The following PALM variants were observed in gnomAD, a reference collection of about 807,000 sequenced individuals.
PALM encodes the protein paralemmin-1.
In PALM, 18 loss-of-function variants were observed where a neutral mutation model predicts 30.7. The ratio of observed to expected loss-of-function variants is 0.59; its 90% CI spans 0.41 to 0.87. The LOEUF (loss-of-function observed/expected upper bound fraction) is 0.87, where lower values mean the gene tolerates loss of function less well. Ranked by LOEUF, PALM falls within the 40% of genes least tolerant of loss-of-function variation. PALM has a pLI of 0.00. For synonymous variants in PALM, 286 were observed against 242.8 expected (o/e 1.18, Z -1.66); for missense variants, 529 against 555.4 (o/e 0.95, Z 0.48).
intron 4 of PALM, chr19:727,956 C>G: frequency 2.4e-6 from 1 of 423,750 alleles, no homozygotes; most frequent in Non-Finnish European, 4.2e-6. Flanking sequence ...TCCCTTCCCA[C>G]CGCCCTCGTT....
chr19:740,294 C>T (rs1051370554), intron 7 of PALM, 58 bp from the exon 8 acceptor site: 24 of 1,494,550 alleles, frequency 1.6e-5, no homozygotes, highest in African/African-American at 1.3e-4. Flanking sequence ...GGCCGCAGCC[C>T]GGCGGGGGGG....
chr19:734,306 T>TC (rs757150355), intron 6 of PALM, 112 bp downstream of exon 6: 3 of 1,024,728 alleles, frequency 2.9e-6, no homozygotes, highest in Non-Finnish European at 4.4e-6. Flanking sequence ...ACGCCTGTGA[T>TC]CCCAGCACTT....
rs968763376 is a variant in PALM at position 736,038 on chromosome 19, G to A, written c.462G>A (p.Thr154=). 6.2e-6 allele frequency: 10 copies of A among 1,609,632 alleles called. No individual in the cohort carries two copies. The highest frequency in any genetic ancestry group is 1.6e-4 in the Middle Eastern group (1 of 6,070). ...GTGCAGACAAGCGAGTCTCCAACAC[G>A]CCCCTGAGGACGGTTGACGGCTCCC... ...GTPKDKRVSN[T]PLRTVDGSPM... Residue 154 remains threonine (T), a synonymous_variant, in exon 7 of 9, where the codon ACG becomes ACA. Coordinates refer to ENST00000338448, the MANE Select transcript of PALM (RefSeq NM_002579.3).
rs763250940 is a variant in PALM, at chr19:710,651, GCC to G, written c.5+1509_5+1510del. ...TACTGAGGCCCAGAGAGGAGCTGCT[GCC>G]CCCCCCCCACCCCCCCTCCATCACA... On this transcript the variant is annotated intron_variant, in intron 1 of 8. Coordinates refer to ENST00000338448, the MANE Select transcript of PALM (RefSeq NM_002579.3). Among the ~76,000 whole-genome samples, 949 of 114,210 alleles carry G rather than the reference GCC, an allele frequency of 8.3e-3. 4 individuals are homozygous for G. Among genetic ancestry groups the G allele is most frequent in the Non-Finnish European group, 0.014 (769 of 55,698 alleles). 74.9% of individuals were successfully genotyped at this position (114,210 alleles called of 152,430 possible). A position where few individuals can be genotyped will look rare whatever the true frequency, so the allele number is the denominator to read the frequency against.
intron 7 of PALM, among the ~76,000 whole-genome samples, chr19:738,297 G>A (rs180812695): frequency 6.6e-6 from 1 of 152,028 alleles, no homozygotes; most frequent in Non-Finnish European, 1.5e-5. Flanking sequence ...GAGGCCGAGG[G>A]GGGCAGATCA....
At chr19:716,406 T>C (rs2032258549) in intron 1 of PALM, among the ~76,000 whole-genome samples, 2 of 140,952 alleles carry the variant, frequency 1.4e-5, no homozygotes, top group South Asian at 4.5e-4. Context: ...CGAGACTCTT[T>C]CTCTCAAAAA....
At chr19:745,434 C>T (rs1247926034) in intron 8 of PALM, among the ~76,000 whole-genome samples, 5 of 152,136 alleles carry the variant, frequency 3.3e-5, no homozygotes, top group African/African-American at 9.7e-5. Flanking sequence ...TGGCTCACGC[C>T]TGTCATCCCA....
chr19:714,851 T>A (rs532892093), intron 1 of PALM, among the ~76,000 whole-genome samples: 2 of 152,188 alleles, frequency 1.3e-5, no homozygotes, highest in South Asian at 2.1e-4. Context: ...AGACGGGGTC[T>A]CCCTGTGTTG....
At chr19:726,895 G>C in intron 2 of PALM, 113 bp from the exon 3 acceptor site, 1 of 688,172 alleles carries the variant, frequency 1.5e-6, no homozygotes, top group South Asian at 1.7e-5. Flanking sequence ...AGTGGGCCAC[G>C]AGGATCCCCG....
chr19:712,411 G>C (rs2032108973), intron 1 of PALM, among the ~76,000 whole-genome samples: 1 of 151,392 alleles, frequency 6.6e-6, no homozygotes, highest in African/African-American at 2.4e-5. Context: ...TTTTGAGACA[G>C]AGTCTTGCTC....
At position 727,225 on chromosome 19, in the gene PALM, C is replaced by CAACCCTGACCCT. The variant is rs1235073493; in HGVS notation, c.138+137_138+138insAACCCTGACCCT. The CAACCCTGACCCT allele has an allele frequency of 6.5e-5, 35 of 539,662 alleles. 2 individuals are homozygous for CAACCCTGACCCT. The highest frequency in any genetic ancestry group is 3.4e-4 in the Admixed American group (9 of 26,552). 33.4% of individuals were successfully genotyped at this position (539,662 alleles called of 1,614,324 possible). A position where few individuals can be genotyped will look rare whatever the true frequency, so the allele number is the denominator to read the frequency against. On this transcript the variant is annotated intron_variant, in intron 3 of 8. Transcript: ENST00000338448. ...CTGCCTCCAGCCCTGACCCTGACCCCGACCCTGACCCCGACCCCGACCCCG... is the reference window on the plus strand; with the variant it reads ...CTGCCTCCAGCCCTGACCCTGACCCCAACCCTGACCCTGACCCTGACCCCGACCCCGACCCCG...
intron 1 of PALM, among the ~76,000 whole-genome samples, chr19:719,921 C>A (rs149580539): frequency 4.2e-4 from 64 of 152,244 alleles, no homozygotes; most frequent in Non-Finnish European, 8.5e-4. Context: ...GCGTCGTGGT[C>A]ATATTTCGCT....
intron 7 of PALM, among the ~76,000 whole-genome samples, chr19:739,298 G>A (rs993498808): frequency 2.0e-5 from 3 of 152,114 alleles, no homozygotes; most frequent in Non-Finnish European, 2.9e-5. Context: ...TGGTCGGGGC[G>A]GGGGCTGTGG....
chr19:733,441 G>A (rs1042281463), intron 5 of PALM, among the ~76,000 whole-genome samples: 3 of 152,210 alleles, frequency 2.0e-5, no homozygotes, highest in Admixed American at 1.3e-4. Flanking sequence ...CCCAGAAACA[G>A]CAAGAAGACC....
At position 742,675 on chromosome 19, in the gene PALM, G is replaced by T. The variant is rs1169126463; in HGVS notation, c.634+2192G>T. 6.6e-6 allele frequency among the ~76,000 whole-genome samples: 1 copy of T among 151,966 alleles called. No homozygotes were observed. Among genetic ancestry groups the T allele is most frequent in the African/African-American group, 2.4e-5 (1 of 41,380 alleles). On this transcript the variant is annotated intron_variant, in intron 8 of 8. Coordinates refer to ENST00000338448, the MANE Select transcript of PALM (RefSeq NM_002579.3). This position sits in a 1 kb window ranked among gnomAD's most constrained non-coding sequence, Gnocchi z 5.5. ...CTGCACGTGGCCTTCTGTGTCTGGCGTCTCTCACTGGGCGTGACGTCCCCA... is the reference window on the plus strand; with the variant it reads ...CTGCACGTGGCCTTCTGTGTCTGGCTTCTCTCACTGGGCGTGACGTCCCCA...
Position 728,176 on chromosome 19 carries a change from C to T in PALM, c.269+482C>T, listed in dbSNP as rs548366316. Among the ~76,000 whole-genome samples, 14 of 152,198 alleles carry T rather than the reference C, an allele frequency of 9.2e-5. No individual in the cohort carries two copies. The South Asian group carries it at 2.1e-3, about 23-fold the overall frequency. The stretch of plus-strand genomic sequence containing the variant: ...CAGCTGGGCCCGCAGGAAGCTCGGG[C>T]GGGGGCAGGAAGGGGACAGGATGGG... On this transcript the variant is annotated intron_variant, in intron 4 of 8. Transcript: ENST00000338448.
At chr19:739,034 A>T (rs2033108244) in intron 7 of PALM, among the ~76,000 whole-genome samples, 1 of 152,028 alleles carries the variant, frequency 6.6e-6, no homozygotes, top group Non-Finnish European at 1.5e-5. Flanking sequence ...GTGCCTGGTG[A>T]TCCCCAGTGC....
At chr19:720,468 T>G (rs1599141221) in intron 1 of PALM, among the ~76,000 whole-genome samples, 1 of 52,896 alleles carries the variant, frequency 1.9e-5, no homozygotes, top group East Asian at 5.7e-4. Flanking sequence ...CTGCGTGTCC[T>G]GGGGAAAGGC....
Position 727,677 on chromosome 19 carries a change from G to A in PALM, c.252G>A (p.Leu84=), listed in dbSNP as rs1485278942. Residue 84 remains leucine, a synonymous_variant, in exon 4 of 9, where the codon CTG becomes CTA. Coordinates refer to ENST00000338448, the MANE Select transcript of PALM (RefSeq NM_002579.3). ...MQDDEQKTRL[L]EDSVSRLEKE... ...ACGACGAGCAGAAGACACGGCTGCTGGAGGACTCGGTGTCCAGGTGGGGGC... is the reference window on the plus strand; with the variant it reads ...ACGACGAGCAGAAGACACGGCTGCTAGAGGACTCGGTGTCCAGGTGGGGGC... 1.3e-6 allele frequency: 2 copies of A among 1,561,894 alleles called. No homozygotes were observed. Among genetic ancestry groups the A allele is most frequent in the Admixed American group, 1.9e-5 (1 of 51,978 alleles).
Sources: allele counts gnomAD v4.1 joint callset (sites outside exome capture counted in the v4.1 genomes callset), GRCh38; gene constraint gnomAD v4.1.1; non-coding constraint Gnocchi (gnomAD v3.1); transcripts MANE v1.5; gene names NCBI Gene and HGNC (gene_info 2026-07-23, HGNC 2026-07-21).